Variants in DDAH1 observed in about 807,000 individuals in gnomAD.
The protein encoded by DDAH1 is N(G),N(G)-dimethylarginine dimethylaminohydrolase 1.
DDAH1 carries 19 observed loss-of-function variants against 28.8 expected under a neutral mutation model. That is an observed-to-expected ratio of 0.66 (90% confidence interval 0.46 to 0.97). DDAH1 has a LOEUF of 0.97. Among genes scored for constraint, DDAH1 ranks in the 50% least tolerant of loss-of-function variants. The pLI is 0.00. For synonymous variants in DDAH1, 153 were observed against 154.4 expected (o/e 0.99, Z 0.07); for missense variants, 326 against 375.9 (o/e 0.87, Z 1.10).
Position 85,415,667 on chromosome 1 carries a change from A to G in DDAH1, c.303+49076T>C, listed in dbSNP as rs562621900. 7.9e-5 allele frequency among the ~76,000 whole-genome samples: 12 copies of G among 152,342 alleles called. No homozygotes were observed. The South Asian group carries it at 1.2e-3, about 16-fold the overall frequency. ...CAAAAACAGAAAAAAATGAAACACT[A>G]TATTATTTGGGGGGAAATAGACAAG... On this transcript the variant is annotated intron_variant, in intron 1 of 5. Coordinates refer to ENST00000284031, the MANE Select transcript of DDAH1 (RefSeq NM_012137.4).
At chr1:85,461,800 G>A (rs187089490) in intron 1 of DDAH1, among the ~76,000 whole-genome samples, 8 of 152,304 alleles carry the variant, frequency 5.3e-5, no homozygotes, top group African/African-American at 1.4e-4. Context: ...CAATTATCAC[G>A]TGGTATGATA....
chr1:85,519,257 G>A (rs1292832385), intron 1 of DDAH1, among the ~76,000 whole-genome samples: 1 of 151,982 alleles, frequency 6.6e-6, no homozygotes, highest in South Asian at 2.1e-4. Flanking sequence ...CCAGGCCGGC[G>A]TAATTTTTTT....
At position 85,492,254 on chromosome 1, in the gene DDAH1, T is replaced by A. The variant is rs967776775; in HGVS notation, c.-7+3912A>T. 3.9e-5 allele frequency among the ~76,000 whole-genome samples: 6 copies of A among 152,226 alleles called. No individual in the cohort carries two copies. The South Asian group carries it at 1.2e-3, about 31-fold the overall frequency. ...TAAGATAATGCAGGTAAAATTGCTC[T>A]AAAAATAGAAAATGTTCAGAAATCA... On this transcript the variant is annotated intron_variant, in intron 2 of 6. Coordinates refer to the DDAH1 transcript ENST00000426972.
intron 1 of DDAH1, among the ~76,000 whole-genome samples, chr1:85,421,189 A>C (rs1383341067): frequency 6.6e-6 from 1 of 152,208 alleles, no homozygotes; most frequent in African/African-American, 2.4e-5. Flanking sequence ...CACCTCCAAC[A>C]CTGGGGATTA....
intron 1 of DDAH1, among the ~76,000 whole-genome samples, chr1:85,377,665 A>G (rs1375441202): frequency 6.6e-6 from 1 of 152,144 alleles, no homozygotes; most frequent in Non-Finnish European, 1.5e-5. Flanking sequence ...TCCTTCACAG[A>G]TTCTTTTAGG....
intron 1 of DDAH1, among the ~76,000 whole-genome samples, chr1:85,410,869 A>G (rs1000571486): frequency 1.3e-5 from 2 of 152,238 alleles, no homozygotes; most frequent in Admixed American, 6.5e-5. Context: ...CCAATGAGAA[A>G]TATCCCCCTG....
intron 1 of DDAH1, among the ~76,000 whole-genome samples, chr1:85,501,007 AG>A (rs1289856773): frequency 2.0e-5 from 3 of 152,082 alleles, no homozygotes; most frequent in Non-Finnish European, 4.4e-5. Flanking sequence ...CATATTTATA[AG>A]AGTTGTTTTA....
chr1:85,478,175 T>C (rs1655867334), intron 2 of DDAH1, among the ~76,000 whole-genome samples: 1 of 152,194 alleles, frequency 6.6e-6, no homozygotes, highest in East Asian at 1.9e-4. Flanking sequence ...GAATATTATA[T>C]AGAAAAATCA....
intron 1 of DDAH1, among the ~76,000 whole-genome samples, chr1:85,547,910 C>T (rs1426617546): frequency 6.6e-6 from 1 of 152,144 alleles, no homozygotes; most frequent in Non-Finnish European, 1.5e-5. Flanking sequence ...TGAGGGTTCT[C>T]TCCTGAAGTG....
In DDAH1 at chr1:85,484,431, G is replaced by A. The variant is rs565112328; in HGVS notation, c.-7+11735C>T. Among the ~76,000 whole-genome samples the A allele has an allele frequency of 2.0e-5, 3 of 152,228 alleles. No individual in the cohort carries two copies. The South Asian group carries it at 6.2e-4, about 32-fold the overall frequency. ...TTTTAGGGGGAAAAATGCTGCCAAGGATGATTCATTTGAAATCAGCCTTGA... is the reference window on the plus strand; with the variant it reads ...TTTTAGGGGGAAAAATGCTGCCAAGAATGATTCATTTGAAATCAGCCTTGA... On this transcript the variant is annotated intron_variant, in intron 2 of 6. Coordinates refer to the DDAH1 transcript ENST00000426972.
intron 1 of DDAH1, among the ~76,000 whole-genome samples, chr1:85,419,192 T>G (rs1269495657): frequency 6.6e-6 from 1 of 152,130 alleles, no homozygotes; most frequent in Admixed American, 6.5e-5. Context: ...ATATGAATGG[T>G]GTCTCCTGGA....
At chr1:85,459,057 C>T (rs1020982986) in intron 1 of DDAH1, among the ~76,000 whole-genome samples, 1 of 152,114 alleles carries the variant, frequency 6.6e-6, no homozygotes, top group African/African-American at 2.4e-5. Flanking sequence ...TCATAAGATG[C>T]CACAAACAAT....
intron 1 of DDAH1, among the ~76,000 whole-genome samples, chr1:85,533,518 C>T (rs530161214): frequency 1.3e-5 from 2 of 151,896 alleles, no homozygotes; most frequent in African/African-American, 2.4e-5. Flanking sequence ...CTTAGAAATA[C>T]AAGTACAGAT....
chr1:85,510,961 G>A (rs1657204631), intron 1 of DDAH1, among the ~76,000 whole-genome samples: 1 of 152,164 alleles, frequency 6.6e-6, no homozygotes, highest in African/African-American at 2.4e-5. Context: ...GGTTAACAAG[G>A]ATATCCAGGA....
At chr1:85,570,603 G>A (rs1171268253) in intron 1 of DDAH1, among the ~76,000 whole-genome samples, 1 of 152,096 alleles carries the variant, frequency 6.6e-6, no homozygotes, top group African/African-American at 2.4e-5. Flanking sequence ...TCTGTCATCT[G>A]TCCCTGGAAA....
At chr1:85,367,461 C>A (rs531269176) in intron 1 of DDAH1, among the ~76,000 whole-genome samples, 109 of 152,302 alleles carry the variant, frequency 7.2e-4, no homozygotes, top group Admixed American at 2.2e-3. Context: ...TCAGTATCAA[C>A]AAGGTTTGAG....
chr1:85,331,213 C>CCACTCCAT (rs909986722), intron 4 of DDAH1, among the ~76,000 whole-genome samples: 2 of 152,146 alleles, frequency 1.3e-5, no homozygotes, highest in Admixed American at 1.3e-4. Context: ...GACTGAAAGC[C>CCACTCCAT]CACTCCATTC....
intron 1 of DDAH1, among the ~76,000 whole-genome samples, chr1:85,453,030 G>A (rs1431364446): frequency 6.6e-6 from 1 of 152,160 alleles, no homozygotes; most frequent in Non-Finnish European, 1.5e-5. Flanking sequence ...AGTGATAGTA[G>A]CTGTTACATT....
chr1:85,343,908 CTATTATA>C (rs886153469), intron 4 of DDAH1, among the ~76,000 whole-genome samples: 1 of 152,150 alleles, frequency 6.6e-6, no homozygotes, highest in Non-Finnish European at 1.5e-5. Context: ...TGAGTGATCT[CTATTATA>C]TAGTTAGTCA....
Sources: allele counts gnomAD v4.1 joint callset (sites outside exome capture counted in the v4.1 genomes callset), GRCh38; gene constraint gnomAD v4.1.1; transcripts MANE v1.5; gene names NCBI Gene and HGNC (gene_info 2026-07-23, HGNC 2026-07-21).